Variants in USH2A observed in about 807,000 individuals in gnomAD.
USH2A encodes Usher syndrome 2A (autosomal recessive, mild).
USH2A carries 443 observed loss-of-function variants against 538.9 expected under a neutral mutation model. The observed-to-expected ratio is 0.82, with a 90% CI of 0.76 to 0.89. The LOEUF (loss-of-function observed/expected upper bound fraction) is 0.89. USH2A is among the 40% of genes least tolerant of loss of function. The pLI, the probability that USH2A is intolerant of heterozygous loss-of-function variation, is 0.00. For missense variants in USH2A, 6,633 were observed against 6,324.8 expected, an observed-to-expected ratio of 1.05 and a Z score of -1.65; for synonymous variants, 2,413 against 2,273.5, an observed-to-expected ratio of 1.06 and a Z score of -1.75.
intron 64 of USH2A, among the ~76,000 whole-genome samples, chr1:215,660,119 C>T (rs1266546141): frequency 6.6e-6 from 1 of 152,184 alleles, no homozygotes; most frequent in African/African-American, 2.4e-5. Context: ...ATTTAAGAAA[C>T]CAGTCTTTGA....
intron 37 of USH2A, among the ~76,000 whole-genome samples, chr1:215,959,890 A>G (rs933192299): frequency 6.6e-6 from 1 of 152,140 alleles, no homozygotes; most frequent in Non-Finnish European, 1.5e-5. Context: ...ATATCAAGCA[A>G]TGAAGATCAC....
In USH2A at chr1:216,001,106, T is replaced by C. The variant is rs528204628; in HGVS notation, c.6326-544A>G. On this transcript the variant is annotated intron_variant, in intron 32 of 71. Coordinates refer to ENST00000307340, the MANE Select transcript of USH2A (RefSeq NM_206933.4). ...GTGATGTCCCTAACACTCCTTGCTG[T>C]CACCCCAGCACAAGATGGAGCTATT... Among the ~76,000 whole-genome samples the C allele has an allele frequency of 1.4e-4, 21 of 152,302 alleles. 1 individual carries two copies. In the South Asian group the frequency reaches 4.4e-3, roughly 32 times the overall value.
intron 38 of USH2A, among the ~76,000 whole-genome samples, chr1:215,912,501 A>ATG (rs567915969): frequency 7.2e-5 from 2 of 27,658 alleles, no homozygotes; most frequent in African/African-American, 1.8e-4. Flanking sequence ...GTGTATATAT[A>ATG]TATATATATA....
At chr1:216,422,620 T>C in intron 1 of USH2A, 80 bp from the exon 2 acceptor site, 2 of 410,982 alleles carry the variant, frequency 4.9e-6, no homozygotes, top group East Asian at 5.0e-5. Flanking sequence ...CTGAGGACTT[T>C]GAGCTCCTAG....
At position 216,251,043 on chromosome 1, in the gene USH2A, C is replaced by T. The variant is rs754475681; in HGVS notation, c.2027G>A (p.Cys676Tyr). The change falls in exon 12 of 72, where the codon TGC (cysteine) becomes TAC (tyrosine). Residue 676 changes from cysteine (C) to tyrosine (Y), a missense_variant. By Grantham distance (194) the Cys-to-Tyr change is radical (BLOSUM62 -2). Coordinates refer to ENST00000307340, the MANE Select transcript of USH2A (RefSeq NM_206933.4). The stretch of plus-strand genomic sequence containing the variant: ...TTGTAGATTGTAGAATCCATTCTGG[C>T]ACTGATTGCACTGCCTGCCAGACAC... Reference protein sequence around the residue: ...RHVSGRQCNQCQNGFYNLQEL... With the variant: ...RHVSGRQCNQYQNGFYNLQEL... 1.2e-6 allele frequency: 2 copies of T among 1,614,068 alleles called. No individual in the cohort carries two copies. Among genetic ancestry groups the T allele is most frequent in the Non-Finnish European group, 1.7e-6 (2 of 1,179,992 alleles).
At chr1:215,729,588 A>G (rs1336156779) in intron 60 of USH2A, among the ~76,000 whole-genome samples, 1 of 151,842 alleles carries the variant, frequency 6.6e-6, no homozygotes, top group Non-Finnish European at 1.5e-5. Flanking sequence ...AATGAAAATA[A>G]CATGATAAGT....
chr1:216,036,129 G>A (rs1454363004), intron 32 of USH2A, among the ~76,000 whole-genome samples: 1 of 152,110 alleles, frequency 6.6e-6, no homozygotes, highest in East Asian at 1.9e-4. Flanking sequence ...AAGGAAATTA[G>A]TAAGACGATC....
chr1:215,915,954 G>A (rs1434358195), intron 38 of USH2A, among the ~76,000 whole-genome samples: 4 of 147,892 alleles, frequency 2.7e-5, no homozygotes, highest in East Asian at 4.1e-4. Flanking sequence ...ACCAAACACC[G>A]CATATTCTCA....
In USH2A at chr1:216,196,766, C is replaced by T. The variant is rs447102; in HGVS notation, c.4082-44G>A. ...ACAATAACATCAAAACAATGAATGT[C>T]GTCCCTATATATTTTTAAATTTAAT... On this transcript the variant is annotated intron_variant, in intron 18 of 71. Coordinates refer to ENST00000307340, the MANE Select transcript of USH2A (RefSeq NM_206933.4). The T allele has an allele frequency of 0.22, 347,059 of 1,581,846 alleles. 39,647 individuals carry two copies. Among genetic ancestry groups the T allele is most frequent in the Non-Finnish European group, 0.23 (271,578 of 1,158,024 alleles).
At chr1:215,669,707 A>G (rs944881118) in intron 64 of USH2A, among the ~76,000 whole-genome samples, 1 of 152,238 alleles carries the variant, frequency 6.6e-6, no homozygotes, top group African/African-American at 2.4e-5. Flanking sequence ...ATTGCAAACA[A>G]GGGATTATGG....
intron 13 of USH2A, among the ~76,000 whole-genome samples, chr1:216,235,226 A>G (rs574021032): frequency 6.6e-6 from 1 of 152,232 alleles, no homozygotes; most frequent in South Asian, 2.1e-4. Context: ...ACCTCAATTT[A>G]CTTTAATGTA....
At chr1:215,680,025 G>C (rs768526940) in intron 62 of USH2A, 124 bp downstream of exon 62, 3 of 929,562 alleles carry the variant, frequency 3.2e-6, no homozygotes, top group Non-Finnish European at 3.5e-6. Context: ...GCCTGGAGGA[G>C]CTATCAAGGA....
At chr1:215,733,926 A>G (rs547314066) in intron 60 of USH2A, among the ~76,000 whole-genome samples, 103 of 152,242 alleles carry the variant, frequency 6.8e-4, no homozygotes, top group Middle Eastern at 6.8e-3. Flanking sequence ...CAAGCTGTCC[A>G]TGGTTTCTGG....
At chr1:216,297,301 G>A (rs1477052641) in intron 9 of USH2A, among the ~76,000 whole-genome samples, 3 of 151,994 alleles carry the variant, frequency 2.0e-5, no homozygotes, top group African/African-American at 7.2e-5. Context: ...TTGGATTCAC[G>A]ACAGAGGATT....
chr1:216,271,628 T>A (rs1419541305), intron 11 of USH2A, among the ~76,000 whole-genome samples: 1 of 152,110 alleles, frequency 6.6e-6, no homozygotes, highest in Non-Finnish European at 1.5e-5. Flanking sequence ...ACATTTATTG[T>A]TAACATAATA....
At chr1:215,708,265 C>A (rs1249545090) in intron 61 of USH2A, among the ~76,000 whole-genome samples, 5 of 152,250 alleles carry the variant, frequency 3.3e-5, no homozygotes, top group Admixed American at 2.6e-4. Flanking sequence ...TATCTCCCCA[C>A]TAGAGTAAGA....
chr1:215,700,449 G>T (rs537961473), intron 61 of USH2A, among the ~76,000 whole-genome samples: 12 of 152,076 alleles, frequency 7.9e-5, no homozygotes, highest in African/African-American at 2.9e-4. Context: ...GGCTTTTTTT[G>T]GTTGGTAGTC....
intron 19 of USH2A, 47 bp from the exon 20 acceptor site, chr1:216,190,414 A>G: frequency 5.0e-6 from 8 of 1,597,134 alleles, no homozygotes; most frequent in Non-Finnish European, 6.8e-6. Context: ...ATAATAGGTA[A>G]TCAGTGTGAA....
At chr1:216,362,284 T>C (rs1429043784) in intron 4 of USH2A, among the ~76,000 whole-genome samples, 2 of 152,168 alleles carry the variant, frequency 1.3e-5, no homozygotes, top group Non-Finnish European at 2.9e-5. Context: ...GGACACATTG[T>C]ATGAATAAGG....
Sources: allele counts gnomAD v4.1 joint callset (sites outside exome capture counted in the v4.1 genomes callset), GRCh38; gene constraint gnomAD v4.1.1; transcripts MANE v1.5; gene names NCBI Gene and HGNC (gene_info 2026-07-23, HGNC 2026-07-21).